The following DPYSL2 variants were observed in gnomAD, a reference collection of about 807,000 sequenced individuals.
The protein encoded by DPYSL2 is dihydropyrimidinase-related protein 2.
DPYSL2 carries 13 observed loss-of-function variants against 69.9 expected under a neutral mutation model. The ratio of observed to expected loss-of-function variants is 0.19; its 90% CI spans 0.12 to 0.30. The LOEUF (loss-of-function observed/expected upper bound fraction) is 0.30. Ranked by LOEUF, DPYSL2 falls within the 10% of genes least tolerant of loss-of-function variation. The pLI is 1.00. For synonymous variants in DPYSL2, 326 were observed against 359.1 expected (o/e 0.91, Z 1.04); for missense variants, 587 against 918.9 (o/e 0.64, Z 4.67).
In DPYSL2 at chr8:26,655,652, C is replaced by T; in HGVS notation, c.1980C>T (p.Thr660=). Residue 660 remains threonine, a synonymous_variant, in exon 14 of 14, where the codon ACC becomes ACT. Transcript: ENST00000521913. ...QIDDNIPRRT[T]QRIVAPPGGR... ...ATGACAACATTCCCCGCCGCACCAC[C>T]CAGCGTATCGTGGCGCCCCCCGGTG... 1 of 1,610,664 alleles carries T rather than the reference C, an allele frequency of 6.2e-7. No homozygotes were observed. Among genetic ancestry groups the T allele is most frequent in the Non-Finnish European group, 8.5e-7 (1 of 1,179,554 alleles).
In DPYSL2 at chr8:26,614,256, G is replaced by A. The variant is rs1802298653; in HGVS notation, c.629-9887G>A. ...TGTCTGGGAGCTGGACAGACAGGAA[G>A]GGAACAGAACTGGGATGTGGCAGGG... On this transcript the variant is annotated intron_variant, in intron 3 of 13. Coordinates refer to ENST00000521913, the MANE Select transcript of DPYSL2 (RefSeq NM_001197293.3). The surrounding 1 kb of genome is among the most constrained non-coding windows in gnomAD (Gnocchi z 4.9). Among the ~76,000 whole-genome samples the A allele has an allele frequency of 6.6e-6, 1 of 152,236 alleles. No individual in the cohort carries two copies. The highest frequency in any genetic ancestry group is 1.5e-5 in the Non-Finnish European group (1 of 68,030).
intron 1 of DPYSL2, among the ~76,000 whole-genome samples, chr8:26,536,349 GTGTT>G (rs1217024158): frequency 1.3e-5 from 2 of 151,870 alleles, no homozygotes; most frequent in Non-Finnish European, 2.9e-5. Flanking sequence ...ATGAGCCACT[GTGTT>G]TGGCTCATAA....
chr8:26,607,482 C>CAAAAA (rs543475606), intron 3 of DPYSL2, among the ~76,000 whole-genome samples: 1 of 105,886 alleles, frequency 9.4e-6, no homozygotes. Context: ...GACTCTGTCT[C>CAAAAA]AAAAAAAAAA....
At chr8:26,569,822 G>A (rs1801210136) in intron 1 of DPYSL2, among the ~76,000 whole-genome samples, 1 of 152,050 alleles carries the variant, frequency 6.6e-6, no homozygotes, top group Non-Finnish European at 1.5e-5. Flanking sequence ...CAGCCACAAA[G>A]GGCCATTGCA....
At chr8:26,577,700 C>A in intron 1 of DPYSL2, 1 of 664,644 alleles carries the variant, frequency 1.5e-6, no homozygotes, top group Non-Finnish European at 1.9e-6. Flanking sequence ...ACCGCCCCGG[C>A]CCGAAGAAAG....
intron 1 of DPYSL2, among the ~76,000 whole-genome samples, chr8:26,570,339 G>A (rs1801216666): frequency 6.6e-6 from 1 of 152,200 alleles, no homozygotes. Context: ...TCTAAGGAAT[G>A]TGGACTGGGG....
chr8:26,546,063 T>G (rs1800762400), intron 1 of DPYSL2, among the ~76,000 whole-genome samples: 1 of 152,248 alleles, frequency 6.6e-6, no homozygotes, highest in Admixed American at 6.5e-5. Context: ...TTGTGTCGAA[T>G]GTATAGATCC....
chr8:26,584,004 C>T (rs1299284131), intron 3 of DPYSL2, 21 bp downstream of exon 3: 1 of 1,605,266 alleles, frequency 6.2e-7, no homozygotes, highest in African/African-American at 1.3e-5. Flanking sequence ...TAAAAATCAT[C>T]ATTGTAGTGC....
intron 1 of DPYSL2, among the ~76,000 whole-genome samples, chr8:26,527,659 A>C (rs1449848056): frequency 1.3e-5 from 2 of 152,218 alleles, no homozygotes; most frequent in Non-Finnish European, 2.9e-5. Context: ...AAATAAAGAC[A>C]TTAAAAAATT....
At chr8:26,613,228 A>C (rs1192200207) in intron 3 of DPYSL2, among the ~76,000 whole-genome samples, 1 of 152,174 alleles carries the variant, frequency 6.6e-6, no homozygotes, top group South Asian at 2.1e-4. Context: ...CAGAATGTGA[A>C]ATTACAGTGG....
intron 1 of DPYSL2, among the ~76,000 whole-genome samples, chr8:26,559,982 CT>C (rs1801047149): frequency 6.6e-6 from 1 of 152,238 alleles, no homozygotes; most frequent in Admixed American, 6.5e-5. Flanking sequence ...ACGTTCCCAT[CT>C]CATTATGCTG....
At position 26,627,886 on chromosome 8, in the gene DPYSL2, C is replaced by A. The variant is rs765192017; in HGVS notation, c.951C>A (p.Ile317=). The change falls in exon 7 of 14, where the codon ATC becomes ATA. Residue 317 remains isoleucine, a synonymous_variant. Coordinates refer to ENST00000521913, the MANE Select transcript of DPYSL2 (RefSeq NM_001197293.3). The surrounding 1 kb of genome is among the most constrained non-coding windows in gnomAD (Gnocchi z 6.9). ...AAACATTGCAGGAGCAGCAGAGGAT[C>A]CTGGATCTGGGCATCACGGGCCCCG... ...GDIIAEEQQR[I]LDLGITGPEG... is the part of the protein sequence containing the mutation. The A allele has an allele frequency of 6.2e-7, 1 of 1,613,888 alleles. No homozygotes were observed. The highest frequency in any genetic ancestry group is 1.1e-5 in the South Asian group (1 of 91,012).
chr8:26,547,119 T>C (rs554985498), intron 1 of DPYSL2, among the ~76,000 whole-genome samples: 4 of 151,658 alleles, frequency 2.6e-5, no homozygotes, highest in Non-Finnish European at 4.4e-5. Context: ...TGCCAGCACT[T>C]TGGGAGGTCG....
At position 26,560,709 on chromosome 8, in the gene DPYSL2, C is replaced by A. The variant is rs1176440012; in HGVS notation, c.355-21260C>A. On this transcript the variant is annotated intron_variant, in intron 1 of 13. Coordinates refer to ENST00000521913, the MANE Select transcript of DPYSL2 (RefSeq NM_001197293.3). The surrounding 1 kb of genome is among the most constrained non-coding windows in gnomAD (Gnocchi z 4.4). ...TCATTTTTGGGCAGAGGGAGATATC[C>A]TACTGGTATTTTCCAATCACTAACA... Among the ~76,000 whole-genome samples the A allele has an allele frequency of 6.6e-6, 1 of 152,156 alleles. No homozygotes were observed. Among genetic ancestry groups the A allele is most frequent in the Non-Finnish European group, 1.5e-5 (1 of 68,026 alleles).
intron 11 of DPYSL2, among the ~76,000 whole-genome samples, chr8:26,651,809 C>G (rs1455694395): frequency 6.6e-6 from 1 of 152,102 alleles, no homozygotes; most frequent in Non-Finnish European, 1.5e-5. Context: ...TTAACCACAC[C>G]GCAAACAGAC....
In DPYSL2 at chr8:26,575,464, G is replaced by T. The variant is rs373454723; in HGVS notation, c.355-6505G>T. Among the ~76,000 whole-genome samples, 45 of 152,264 alleles carry T rather than the reference G, an allele frequency of 3.0e-4. 1 individual carries two copies. The South Asian group carries it at 9.1e-3, about 31-fold the overall frequency. ...AATATGGTAAGAAATGCAGGTTGCA[G>T]ACAGTTCTCTTCCTCGGTCAATTTA... On this transcript the variant is annotated intron_variant, in intron 1 of 13. Transcript: ENST00000521913.
chr8:26,521,647 C>T (rs1389950366), intron 1 of DPYSL2, among the ~76,000 whole-genome samples: 1 of 152,102 alleles, frequency 6.6e-6, no homozygotes, highest in Admixed American at 6.5e-5. Context: ...AAACTTTGTA[C>T]CATTAAGCAG....
At chr8:26,529,095 C>G (rs1800440033) in intron 1 of DPYSL2, among the ~76,000 whole-genome samples, 1 of 152,104 alleles carries the variant, frequency 6.6e-6, no homozygotes, top group Non-Finnish European at 1.5e-5. Flanking sequence ...GGTGCAGTCT[C>G]TCCAGGATCG....
chr8:26,579,247 A>G (rs1489388948), intron 1 of DPYSL2, among the ~76,000 whole-genome samples: 1 of 152,170 alleles, frequency 6.6e-6, no homozygotes, highest in African/African-American at 2.4e-5. Context: ...CCACGGGGAA[A>G]ACGTCTGTGC....
Sources: gnomAD v4.1 joint callset for allele counts (sites outside exome capture counted in the v4.1 genomes callset) on GRCh38, gnomAD v4.1.1 for gene constraint, Gnocchi (gnomAD v3.1) non-coding constraint, MANE v1.5 for transcripts, NCBI Gene and HGNC (gene_info 2026-07-23, HGNC 2026-07-21) for gene names.